The following CTNNA3 variants were observed in gnomAD, a reference collection of about 807,000 sequenced individuals.
The protein encoded by CTNNA3 is catenin alpha-3.
In CTNNA3, 76 loss-of-function variants were observed where a neutral mutation model predicts 95.7. That is an observed-to-expected ratio of 0.79 (90% confidence interval 0.66 to 0.96). The LOEUF (loss-of-function observed/expected upper bound fraction) is 0.96. Ranked by LOEUF, CTNNA3 falls within the 40% of genes least tolerant of loss-of-function variation. The probability of loss-of-function intolerance (pLI) is 0.00; values close to 1 mark genes in which losing one functional copy is unlikely to be tolerated. For synonymous variants in CTNNA3, 431 were observed against 374.4 expected, an observed-to-expected ratio of 1.15 and a Z score of -1.74; for missense variants, 1,191 against 1,089.8, an observed-to-expected ratio of 1.09 and a Z score of -1.31.
intron 10 of CTNNA3, among the ~76,000 whole-genome samples, chr10:66,544,004 A>C (rs1341847520): frequency 1.6e-5 from 1 of 62,220 alleles, no homozygotes; most frequent in African/African-American, 4.3e-5. Context: ...TTTGAGCTAA[A>C]TGGATGACCT....
chr10:66,394,728 T>TA (rs968925837), intron 11 of CTNNA3, among the ~76,000 whole-genome samples: 27 of 151,878 alleles, frequency 1.8e-4, no homozygotes, highest in Non-Finnish European at 2.6e-4. Context: ...GATTGTCTTA[T>TA]AAAAAAACAG....
intron 7 of CTNNA3, among the ~76,000 whole-genome samples, chr10:66,856,834 T>C (rs1475384876): frequency 6.6e-6 from 1 of 152,082 alleles, no homozygotes; most frequent in Non-Finnish European, 1.5e-5. Context: ...CCTGAAAATA[T>C]TTTCTCCTAT....
chr10:66,310,712 A>C (rs1026773588), intron 12 of CTNNA3, among the ~76,000 whole-genome samples: 7 of 129,358 alleles, frequency 5.4e-5, no homozygotes, highest in African/African-American at 2.1e-4. Flanking sequence ...TTTTAGGCGG[A>C]GTCTGGCTCT....
intron 3 of CTNNA3, among the ~76,000 whole-genome samples, chr10:67,582,691 T>C (rs1337074309): frequency 4.0e-5 from 6 of 151,654 alleles, no homozygotes; most frequent in Non-Finnish European, 7.4e-5. Context: ...TGTGTGGGAG[T>C]CTAAGTCTCT....
chr10:67,617,801 T>G (rs888952296), intron 2 of CTNNA3, among the ~76,000 whole-genome samples: 1 of 151,918 alleles, frequency 6.6e-6, no homozygotes, highest in South Asian at 2.1e-4. Context: ...TAATAGCTAT[T>G]CTAACTGGTT....
rs1841198101 is a variant in CTNNA3, at chr10:66,524,923, C to T, written c.1375-4150G>A. Among the ~76,000 whole-genome samples, 2 of 151,992 alleles carry T rather than the reference C, an allele frequency of 1.3e-5. 1 individual carries two copies. Among genetic ancestry groups the T allele is most frequent in the African/African-American group, 4.8e-5 (2 of 41,378 alleles). On this transcript the variant is annotated intron_variant, in intron 10 of 17. Transcript: ENST00000433211. ...AATTAGCTGGGCGTGGTGGTGCATG[C>T]CTGTAATCCCAGCTACTTGGGAGGC...
chr10:67,073,261 C>G (rs1856562271), intron 7 of CTNNA3, among the ~76,000 whole-genome samples: 1 of 152,148 alleles, frequency 6.6e-6, no homozygotes, highest in Non-Finnish European at 1.5e-5. Flanking sequence ...TTTAATAGCT[C>G]TGATTAGTTT....
At chr10:67,367,363 G>C (rs1006162743) in intron 5 of CTNNA3, among the ~76,000 whole-genome samples, 4 of 151,544 alleles carry the variant, frequency 2.6e-5, no homozygotes, top group African/African-American at 9.7e-5. Context: ...AAAACTATGA[G>C]ATCCCATCTT....
At chr10:67,126,169 TAGTA>T (rs978419911) in intron 7 of CTNNA3, among the ~76,000 whole-genome samples, 4 of 152,176 alleles carry the variant, frequency 2.6e-5, no homozygotes, top group African/African-American at 9.6e-5. Context: ...CAGCTTAAAA[TAGTA>T]AGGAATCTCT....
At chr10:67,468,022 T>C (rs1026130309) in intron 5 of CTNNA3, among the ~76,000 whole-genome samples, 1 of 144,502 alleles carries the variant, frequency 6.9e-6, no homozygotes, top group African/African-American at 2.5e-5. Flanking sequence ...CCAACTTTCT[T>C]TTTTTTTTTT....
chr10:66,784,654 T>C (rs1046592513), intron 7 of CTNNA3, among the ~76,000 whole-genome samples: 1 of 152,302 alleles, frequency 6.6e-6, no homozygotes, highest in East Asian at 1.9e-4. Context: ...ATATAGGGCA[T>C]TCCTCATTTC....
chr10:66,568,264 T>C (rs1000446557), intron 10 of CTNNA3, among the ~76,000 whole-genome samples: 6 of 152,164 alleles, frequency 3.9e-5, no homozygotes, highest in African/African-American at 1.4e-4. Context: ...CTGAGAGTGC[T>C]TCATTGAAAA....
chr10:66,501,905 C>T (rs1840290658), intron 11 of CTNNA3, among the ~76,000 whole-genome samples: 3 of 152,072 alleles, frequency 2.0e-5, no homozygotes, highest in African/African-American at 7.2e-5. Context: ...AAAGGTAACA[C>T]AGGGGACATC....
chr10:67,579,014 T>TAC (rs1407536071), intron 3 of CTNNA3, among the ~76,000 whole-genome samples: 1 of 119,262 alleles, frequency 8.4e-6, no homozygotes, highest in East Asian at 4.3e-4. Context: ...TATATATATA[T>TAC]ATATATATAT....
chr10:67,401,276 T>C (rs1048534133), intron 5 of CTNNA3, among the ~76,000 whole-genome samples: 1 of 152,148 alleles, frequency 6.6e-6, no homozygotes, highest in Non-Finnish European at 1.5e-5. Context: ...AGTTTCAGCA[T>C]ATACTGAAAA....
rs1296019584 is a variant in CTNNA3, at chr10:65,920,069, G to A, written c.*261C>T. ...ACGAATAGTAGATAATCTCTATGAT[G>A]GGAAACGCTGAATGACACGTGATAA... On this transcript the variant is annotated 3_prime_UTR_variant, in exon 18 of 18. Transcript: ENST00000433211. 2.1e-6 allele frequency: 1 copy of A among 480,234 alleles called. No individual in the cohort carries two copies. Among genetic ancestry groups the A allele is most frequent in the Non-Finnish European group, 3.7e-6 (1 of 268,214 alleles). The allele number at this position is 480,234 out of a possible 1,614,324, so 29.7% of individuals were successfully genotyped here. A position where few individuals can be genotyped will look rare whatever the true frequency, so the allele number is the denominator to read the frequency against.
intron 7 of CTNNA3, among the ~76,000 whole-genome samples, chr10:66,903,596 T>G (rs1015817818): frequency 6.6e-6 from 1 of 152,202 alleles, no homozygotes; most frequent in Non-Finnish European, 1.5e-5. Context: ...TTGTCCCTGT[T>G]TGCAGATGAC....
intron 7 of CTNNA3, among the ~76,000 whole-genome samples, chr10:67,106,248 G>C (rs1858630075): frequency 6.6e-6 from 1 of 152,176 alleles, no homozygotes; most frequent in Non-Finnish European, 1.5e-5. Context: ...CTGAAATGTA[G>C]TTTGGGGCCA....
chr10:66,066,612 A>T (rs114680001), intron 15 of CTNNA3, among the ~76,000 whole-genome samples: 2,504 of 152,282 alleles, frequency 0.016, 70 homozygotes, highest in African/African-American at 0.057. Context: ...AGTGCAAAAA[A>T]TAGAAATAGA....
Sources: allele counts gnomAD v4.1 joint callset (sites outside exome capture counted in the v4.1 genomes callset), GRCh38; gene constraint gnomAD v4.1.1; transcripts MANE v1.5; gene names NCBI Gene and HGNC (gene_info 2026-07-23, HGNC 2026-07-21).